ARK2C: variants seen among roughly 807,000 people sequenced by gnomAD.
ARK2C encodes the protein arkadia (RNF111) C-terminal like ring finger ubiquitin ligase 2C.
chr18:46,426,573 C>T, the ARK2C span, among the ~76,000 whole-genome samples: 1 of 152,212 alleles, frequency 6.6e-6, no homozygotes, highest in Non-Finnish European at 1.5e-5. Flanking sequence ...CTCAGGCCCC[C>T]ACCCCCTGCT....
chr18:46,424,341 TGA>T, the ARK2C span, among the ~76,000 whole-genome samples: 1 of 151,912 alleles, frequency 6.6e-6, no homozygotes, highest in African/African-American at 2.4e-5. Context: ...GATACAGCAG[TGA>T]GAGAGAGCAA....
At chr18:46,370,850 G>A in the ARK2C span, among the ~76,000 whole-genome samples, 4 of 152,272 alleles carry the variant, frequency 2.6e-5, no homozygotes, top group South Asian at 4.1e-4. Flanking sequence ...GGGGGCGTGA[G>A]GTCAGCATGA....
the ARK2C span, among the ~76,000 whole-genome samples, chr18:46,384,967 C>T: frequency 6.6e-6 from 1 of 152,254 alleles, no homozygotes; most frequent in Admixed American, 6.5e-5. Context: ...CAGCTCCACT[C>T]ACTTCTTGAT....
chr18:46,456,579 C>G, the ARK2C span: 1 of 1,614,050 alleles, frequency 6.2e-7, no homozygotes, highest in East Asian at 2.2e-5. Flanking sequence ...TCGCCATGAG[C>G]AAGAAATGCC....
the ARK2C span, among the ~76,000 whole-genome samples, chr18:46,409,760 C>G: frequency 6.6e-6 from 1 of 152,186 alleles, no homozygotes; most frequent in Admixed American, 6.5e-5. Flanking sequence ...GCCCTTCAGG[C>G]GTCTTGCTTT....
At chr18:46,428,326 T>G in the ARK2C span, among the ~76,000 whole-genome samples, 13 of 152,146 alleles carry the variant, frequency 8.5e-5, 1 homozygote, top group South Asian at 1.0e-3. Flanking sequence ...GGAGAATGGC[T>G]TGAACCTGGG....
At chr18:46,334,420 G>A in the ARK2C span, 1 of 1,201,716 alleles carries the variant, frequency 8.3e-7, no homozygotes, top group Non-Finnish European at 1.1e-6. This position sits in a 1 kb window ranked among gnomAD's most constrained non-coding sequence, Gnocchi z 4.4. Context: ...GGGCGGCCGG[G>A]GGCTCAGGGC....
At chr18:46,407,485 G>A in the ARK2C span, among the ~76,000 whole-genome samples, 4 of 152,206 alleles carry the variant, frequency 2.6e-5, no homozygotes, top group African/African-American at 7.2e-5. Context: ...CCTATCACCC[G>A]ACAGGACAGT....
the ARK2C span, chr18:46,459,223 C>T: frequency 6.6e-6 from 1 of 152,216 alleles, no homozygotes; most frequent in Non-Finnish European, 1.5e-5. Context: ...GCTGGTGTCC[C>T]AGGTTCCAGT....
chr18:46,385,962 G>A, the ARK2C span: 1 of 152,214 alleles, frequency 6.6e-6, no homozygotes. Context: ...GCGGTGTGTG[G>A]TGGTTCTGAT....
chr18:46,368,875 A>G, the ARK2C span, among the ~76,000 whole-genome samples: 1 of 152,250 alleles, frequency 6.6e-6, no homozygotes, highest in East Asian at 1.9e-4. Context: ...AGTGGTTGGG[A>G]GAATTTAGAT....
At chr18:46,386,953 A>T in the ARK2C span, 1 of 152,336 alleles carries the variant, frequency 6.6e-6, no homozygotes, top group African/African-American at 2.4e-5. Flanking sequence ...GGCGGGGGAC[A>T]CTGACATTCC....
At chr18:46,440,810 T>C in the ARK2C span, among the ~76,000 whole-genome samples, 7 of 152,166 alleles carry the variant, frequency 4.6e-5, no homozygotes, top group Non-Finnish European at 5.9e-5. Flanking sequence ...TTGCTAAAAT[T>C]TTGTTAAGTA....
chr18:46,428,399 C>A, the ARK2C span, among the ~76,000 whole-genome samples: 7 of 152,106 alleles, frequency 4.6e-5, no homozygotes, highest in Admixed American at 6.5e-5. Flanking sequence ...CAGAGCGAGA[C>A]TCCATCTCAA....
chr18:46,341,945 A>T, the ARK2C span, among the ~76,000 whole-genome samples: 1 of 152,182 alleles, frequency 6.6e-6, no homozygotes, highest in Non-Finnish European at 1.5e-5. Context: ...ACATGGGAGC[A>T]GGGGGAACGG....
the ARK2C span, among the ~76,000 whole-genome samples, chr18:46,428,953 A>G: frequency 1.3e-5 from 2 of 152,074 alleles, no homozygotes; most frequent in Non-Finnish European, 2.9e-5. Flanking sequence ...CTTATCTTCT[A>G]CTTCTCTTCT....
the ARK2C span, among the ~76,000 whole-genome samples, chr18:46,368,159 G>A: frequency 6.6e-6 from 1 of 152,216 alleles, no homozygotes; most frequent in South Asian, 2.1e-4. Context: ...ACCTCCATGA[G>A]ACTTTGTGCT....
At chr18:46,362,388 T>C in the ARK2C span, among the ~76,000 whole-genome samples, 5 of 152,226 alleles carry the variant, frequency 3.3e-5, no homozygotes, top group Admixed American at 2.0e-4. Context: ...TTTAATAAGA[T>C]GCCTGCTTTA....
the ARK2C span, among the ~76,000 whole-genome samples, chr18:46,361,858 G>T: frequency 6.6e-6 from 1 of 152,348 alleles, no homozygotes; most frequent in East Asian, 1.9e-4. Flanking sequence ...AAATGAGGAG[G>T]TTAGGTGATA....
Sources: gnomAD v4.1 joint callset for allele counts (sites outside exome capture counted in the v4.1 genomes callset) on GRCh38, gnomAD v4.1.1 for gene constraint, Gnocchi (gnomAD v3.1) non-coding constraint, MANE v1.5 for transcripts, NCBI Gene and HGNC (gene_info 2026-07-23, HGNC 2026-07-21) for gene names.